Variants in MAP4K2 observed in about 807,000 individuals in gnomAD.
MAP4K2 encodes the protein B lymphocyte serine/threonine protein kinase.
In MAP4K2, 85 loss-of-function variants were observed where a neutral mutation model predicts 125.3. The observed-to-expected ratio is 0.68, with a 90% CI of 0.57 to 0.81. The LOEUF (loss-of-function observed/expected upper bound fraction) is 0.81. Among genes scored for constraint, MAP4K2 ranks in the 40% least tolerant of loss-of-function variants. MAP4K2 has a pLI of 0.00. For synonymous variants in MAP4K2, 479 were observed against 445.1 expected (o/e 1.08, Z -0.96); for missense variants, 923 against 1,056.4 (o/e 0.87, Z 1.75).
chr11:64,792,643 A>G (rs1463475158), intron 24 of MAP4K2, among the ~76,000 whole-genome samples: 1 of 152,180 alleles, frequency 6.6e-6, no homozygotes, highest in African/African-American at 2.4e-5. Flanking sequence ...CATCCAGGCC[A>G]GGGGTTTGGG....
At chr11:64,802,039 G>A (rs751833726) in intron 5 of MAP4K2, 27 bp downstream of exon 5, 1 of 1,606,534 alleles carries the variant, frequency 6.2e-7, no homozygotes, top group Non-Finnish European at 8.5e-7. Flanking sequence ...GAGACCAGAG[G>A]TGTGGGCACC....
Position 64,796,616 on chromosome 11 carries a change from C to T in MAP4K2, c.1572+18G>A. ...GCCCCCACAAGGCCTCTGCCCCCCA[C>T]AGCCAGCCGGGCCTCACCTTCTCCA... On this transcript the variant is annotated intron_variant, in intron 22 of 31. Coordinates refer to ENST00000294066, the MANE Select transcript of MAP4K2 (RefSeq NM_004579.5). The T allele has an allele frequency of 1.2e-6, 2 of 1,614,046 alleles. No homozygotes were observed. The highest frequency in any genetic ancestry group is 1.7e-6 in the Non-Finnish European group (2 of 1,180,034).
Position 64,801,048 on chromosome 11 carries a change from A to G in MAP4K2, c.531-17T>C. 6.2e-7 allele frequency: 1 copy of G among 1,613,818 alleles called. No individual in the cohort carries two copies. The highest frequency in any genetic ancestry group is 8.5e-7 in the Non-Finnish European group (1 of 1,179,994). On this transcript the variant is annotated splice_polypyrimidine_tract_variant and intron_variant, in intron 8 of 31. Coordinates refer to ENST00000294066, the MANE Select transcript of MAP4K2 (RefSeq NM_004579.5). The stretch of plus-strand genomic sequence containing the variant: ...GGAGCCATCCTAGAGGTGGGGTCAC[A>G]GATGGGATGGCCGGGTGCCCTGCTC...
In MAP4K2 at chr11:64,803,134, C is replaced by T. The variant is rs753653829; in HGVS notation, c.16G>A (p.Asp6Asn). 8.4e-6 allele frequency: 13 copies of T among 1,541,948 alleles called. No homozygotes were observed. In the African/African-American group the frequency reaches 1.3e-4, roughly 15 times the overall value. ...TCCCGCGGGTCCTGCAGCGACACATCCCGCAGCAGCGCCATGGCCCGGCGC... is the reference window on the plus strand; with the variant it reads ...TCCCGCGGGTCCTGCAGCGACACATTCCGCAGCAGCGCCATGGCCCGGCGC... MALLR[D>N]VSLQDPRDRF... Residue 6 changes from aspartate to asparagine, a missense_variant, in exon 1 of 32, where the codon GAT (aspartate) becomes AAT (asparagine). Physicochemically the swap from Asp to Asn is conservative, Grantham distance 23. Coordinates refer to ENST00000294066, the MANE Select transcript of MAP4K2 (RefSeq NM_004579.5).
At chr11:64,798,761 C>A (rs1940981692) in intron 15 of MAP4K2, 33 bp downstream of exon 15, 1 of 1,612,262 alleles carries the variant, frequency 6.2e-7, no homozygotes, top group Non-Finnish European at 8.5e-7. Context: ...GCCGCCCCTG[C>A]CACCCCCTGC....
rs1384225051 is a variant in MAP4K2, at chr11:64,787,632, T to C, written c.*1905A>G. ...ATTCCCTGGTTTCTCGGCCTTTCTT[T>C]GCTCTTGGCCTGCCTTTGCTGGCAG... On this transcript the variant is annotated 3_prime_UTR_variant, in exon 32 of 32. Coordinates refer to ENST00000294066, the MANE Select transcript of MAP4K2 (RefSeq NM_004579.5). 1 of 152,264 alleles carries C rather than the reference T, an allele frequency of 6.6e-6. No homozygotes were observed. The highest frequency in any genetic ancestry group is 1.5e-5 in the Non-Finnish European group (1 of 68,046). The allele number at this position is 152,264 out of a possible 1,614,324, so 9.4% of individuals were successfully genotyped here. A position where few individuals can be genotyped will look rare whatever the true frequency, so the allele number is the denominator to read the frequency against.
intron 17 of MAP4K2, 32 bp downstream of exon 17, chr11:64,797,469 G>A (rs1364381260): frequency 1.3e-6 from 2 of 1,559,468 alleles, no homozygotes; most frequent in Admixed American, 3.9e-5. Flanking sequence ...CAGTGGCCTG[G>A]ATCCCAGCTC....
chr11:64,798,056 A>G lies in MAP4K2; in HGVS notation c.1098-392T>C, dbSNP rs894628570. On this transcript the variant is annotated intron_variant, in intron 15 of 31. Transcript: ENST00000294066. ...ATTCTTGTCACCCAGGCTGGCGTGC[A>G]ATGGCAAGATATCGGCTCACTGCAA... Among the ~76,000 whole-genome samples the G allele has an allele frequency of 2.7e-5, 4 of 150,424 alleles. 1 individual carries two copies. The highest frequency in any genetic ancestry group is 2.0e-4 in the Admixed American group (3 of 15,102).
chr11:64,799,525 T>C, intron 13 of MAP4K2, 46 bp from the exon 14 acceptor site: 3 of 1,612,424 alleles, frequency 1.9e-6, no homozygotes, highest in Non-Finnish European at 1.7e-6. Flanking sequence ...AGTCTCAGGA[T>C]GGACCTCTAC....
At position 64,801,695 on chromosome 11, in the gene MAP4K2, C is replaced by T; in HGVS notation, c.414+15G>A. ...CCTCCTCCCTCCCCAGGAGTGCCCC[C>T]AGCTAGGTGCCTACCTTGATGTCTC... On this transcript the variant is annotated intron_variant, in intron 6 of 31. Coordinates refer to ENST00000294066, the MANE Select transcript of MAP4K2 (RefSeq NM_004579.5). 1 of 1,614,008 alleles carries T rather than the reference C, an allele frequency of 6.2e-7. No homozygotes were observed.
chr11:64,799,492 G>A lies in MAP4K2; in HGVS notation c.995-13C>T, dbSNP rs781758297. ...TTCACCTGGTGAACTGGGGGGCCCA[G>A]AGTACAAGAGTGAAGGAGCTGGAGT... On this transcript the variant is annotated splice_polypyrimidine_tract_variant and intron_variant, in intron 13 of 31. Coordinates refer to ENST00000294066, the MANE Select transcript of MAP4K2 (RefSeq NM_004579.5). 3.1e-6 allele frequency: 5 copies of A among 1,610,942 alleles called. No individual in the cohort carries two copies. Among genetic ancestry groups the A allele is most frequent in the South Asian group, 1.1e-5 (1 of 90,814 alleles).
chr11:64,792,335 C>CA, intron 25 of MAP4K2, 29 bp downstream of exon 25: 2 of 1,520,560 alleles, frequency 1.3e-6, no homozygotes, highest in Admixed American at 1.9e-5. Context: ...CACCAGGCCC[C>CA]GCCCCACCCC....
intron 23 of MAP4K2, 29 bp downstream of exon 23, chr11:64,796,464 C>T (rs1413904649): frequency 5.0e-6 from 8 of 1,613,506 alleles, no homozygotes; most frequent in Non-Finnish European, 5.1e-6. Flanking sequence ...CCCTGCGGAC[C>T]CTGCCTCCCT....
intron 27 of MAP4K2, 46 bp downstream of exon 27, chr11:64,791,863 C>G: frequency 1.3e-6 from 2 of 1,491,022 alleles, no homozygotes; most frequent in Middle Eastern, 2.0e-4. Context: ...CCCTCGGTCT[C>G]TCATGCACAC....
intron 24 of MAP4K2, among the ~76,000 whole-genome samples, chr11:64,794,624 G>A (rs1022728296): frequency 1.3e-5 from 2 of 152,158 alleles, no homozygotes; most frequent in Admixed American, 6.5e-5. Context: ...CTCCCAAAGT[G>A]CGGGATTACA....
rs1286912351 is a variant in MAP4K2 at position 64,790,283 on chromosome 11, G to A, written c.2162-9C>T. ...GACAATCCTCACACAGCCTGCACAG[G>A]GAAGGAATTGGTGAGTGGGGACGGG... On this transcript the variant is annotated splice_polypyrimidine_tract_variant and intron_variant, in intron 28 of 31. Coordinates refer to ENST00000294066, the MANE Select transcript of MAP4K2 (RefSeq NM_004579.5). The A allele has an allele frequency of 1.2e-6, 2 of 1,614,128 alleles. No individual in the cohort carries two copies. Among genetic ancestry groups the A allele is most frequent in the Middle Eastern group, 1.6e-4 (1 of 6,062 alleles).
At chr11:64,791,675 C>T (rs1468484055) in intron 27 of MAP4K2, among the ~76,000 whole-genome samples, 3 of 152,186 alleles carry the variant, frequency 2.0e-5, no homozygotes, top group Non-Finnish European at 4.4e-5. Flanking sequence ...CCGGCCTGGC[C>T]AGGATTTTCT....
chr11:64,789,866 C>A (rs748949129), intron 30 of MAP4K2, 23 bp downstream of exon 30: 95 of 1,613,810 alleles, frequency 5.9e-5, no homozygotes, highest in Middle Eastern at 4.9e-4. Flanking sequence ...CAGGGGACAG[C>A]AAGGTCCCTG....
chr11:64,791,919 G>A lies in MAP4K2; in HGVS notation c.2082C>T (p.Leu694=). ...GGCCCTTCTGCTCACCAGGTGGGAT[G>A]AGGATGTCGGGCGTCAGGCCAGCCT... The part of the protein sequence containing the change: ...PLEAGLTPDI[L]IPPEGIPGSA... Residue 694 remains leucine (L), a synonymous_variant, in exon 27 of 32, where the codon CTC becomes CTT. Coordinates refer to ENST00000294066, the MANE Select transcript of MAP4K2 (RefSeq NM_004579.5). 6.3e-7 allele frequency: 1 copy of A among 1,591,012 alleles called. No individual in the cohort carries two copies. The highest frequency in any genetic ancestry group is 1.1e-5 in the South Asian group (1 of 87,984).
Sources: gnomAD v4.1 joint callset for allele counts (sites outside exome capture counted in the v4.1 genomes callset) on GRCh38, gnomAD v4.1.1 for gene constraint, MANE v1.5 for transcripts, NCBI Gene and HGNC (gene_info 2026-07-23, HGNC 2026-07-21) for gene names.